ZNF503: variants seen among roughly 807,000 people sequenced by gnomAD.
The protein encoded by ZNF503 is NocA-like zinc finger 2.
In ZNF503, 15 loss-of-function variants were observed where a neutral mutation model predicts 34.4. The observed-to-expected ratio is 0.44, with a 90% CI of 0.29 to 0.67. The LOEUF (loss-of-function observed/expected upper bound fraction) is 0.67. Among genes scored for constraint, ZNF503 ranks in the 30% least tolerant of loss-of-function variants. The pLI is 0.13. For missense variants in ZNF503, 1,007 were observed against 926.8 expected (o/e 1.09, Z -1.12); for synonymous variants, 580 against 456.8 (o/e 1.27, Z -3.44).
chr10:75,358,838 TC>T, the ZNF503 span: 1 of 152,364 alleles, frequency 6.6e-6, no homozygotes, highest in African/African-American at 2.4e-5. Context: ...TAACATGCTA[TC>T]CTGCCTGCCC....
At position 75,399,223 on chromosome 10, in the gene ZNF503, G is replaced by C; in HGVS notation, c.1467C>G (p.Gly489=). 1 of 1,590,570 alleles carries C rather than the reference G, an allele frequency of 6.3e-7. No homozygotes were observed. Among genetic ancestry groups the C allele is most frequent in the Non-Finnish European group, 8.6e-7 (1 of 1,167,566 alleles). ...GGCCGGCCAGGGAGGGCGGTGTGGC[G>C]CCAGCAGCCGCGGCGGCCGTTAGCG... ...HSSLTAAAAA[G]ATPPSLAGHP... The change falls in exon 2 of 2, where the codon GGC becomes GGG. Residue 489 remains glycine, a synonymous_variant. Transcript: ENST00000372524.
the ZNF503 span, among the ~76,000 whole-genome samples, chr10:75,363,126 A>T: frequency 4.6e-5 from 7 of 152,006 alleles, no homozygotes; most frequent in East Asian, 1.4e-3. Context: ...CCTCTTAAGG[A>T]ATTGCTTTGC....
the ZNF503 span, among the ~76,000 whole-genome samples, chr10:75,374,938 T>C: frequency 1.9e-4 from 29 of 152,114 alleles, no homozygotes; most frequent in Non-Finnish European, 4.1e-4. Context: ...AGGCAGTACC[T>C]AGGATCTCTC....
the ZNF503 span, among the ~76,000 whole-genome samples, chr10:75,284,636 C>CTAA: frequency 6.6e-6 from 1 of 152,096 alleles, no homozygotes; most frequent in African/African-American, 2.4e-5. Context: ...GTGTGTAAGG[C>CTAA]TAATACCAGA....
At chr10:75,385,377 T>C in the ZNF503 span, among the ~76,000 whole-genome samples, 1 of 152,368 alleles carries the variant, frequency 6.6e-6, no homozygotes, top group Non-Finnish European at 1.5e-5. Flanking sequence ...ACTTTTATTT[T>C]ATTCACAAAT....
downstream of ZNF503, among the ~76,000 whole-genome samples, chr10:75,397,061 A>T (rs1377025276): frequency 6.6e-6 from 1 of 152,138 alleles, no homozygotes. Context: ...GCGGGGCCGC[A>T]CTTGGAGGGG....
the ZNF503 span, among the ~76,000 whole-genome samples, chr10:75,325,535 A>G: frequency 6.6e-6 from 1 of 152,294 alleles, no homozygotes; most frequent in South Asian, 2.1e-4. Context: ...AAGTCTTGAA[A>G]TTGGGTGGTT....
chr10:75,386,624 G>T, the ZNF503 span, among the ~76,000 whole-genome samples: 5 of 152,120 alleles, frequency 3.3e-5, no homozygotes, highest in East Asian at 9.6e-4. Flanking sequence ...CTCCACATTG[G>T]TTTCTTTATA....
the ZNF503 span, chr10:75,283,416 T>C: frequency 6.6e-6 from 1 of 151,612 alleles, no homozygotes; most frequent in Admixed American, 6.6e-5. Context: ...CCTGCAAGAG[T>C]GGTGGGGGAA....
At chr10:75,367,458 G>T in the ZNF503 span, among the ~76,000 whole-genome samples, 7 of 152,202 alleles carry the variant, frequency 4.6e-5, 1 homozygote, top group Admixed American at 6.5e-5. Context: ...GGCTGCTGCA[G>T]CCCTGGTCTG....
chr10:75,380,757 C>G, the ZNF503 span, among the ~76,000 whole-genome samples: 1 of 152,036 alleles, frequency 6.6e-6, no homozygotes, highest in African/African-American at 2.4e-5. Context: ...CCTAAAATAC[C>G]AAGAGACAAA....
rs746981230 is a variant in ZNF503, at chr10:75,399,419, G to C, written c.1271C>G (p.Ala424Gly). 5.6e-6 allele frequency: 9 copies of C among 1,603,268 alleles called. No homozygotes were observed. Among genetic ancestry groups the C allele is most frequent in the Middle Eastern group, 1.8e-4 (1 of 5,566 alleles). ...GCAGTAAGGGTCCCGGCACAAACTGGCTGTCATCACGGACGGCGGAGACGC... is the reference window on the plus strand; with the variant it reads ...GCAGTAAGGGTCCCGGCACAAACTGCCTGTCATCACGGACGGCGGAGACGC... ...AGASPPSVMT[A>G]SLCRDPYCLS... Residue 424 changes from alanine to glycine, a missense_variant, in exon 2 of 2, where the codon GCC becomes GGC. Ala to Gly is a moderately conservative substitution (Grantham distance 60, BLOSUM62 0). Transcript: ENST00000372524.
At chr10:75,369,936 G>A in the ZNF503 span, among the ~76,000 whole-genome samples, 2 of 152,094 alleles carry the variant, frequency 1.3e-5, no homozygotes, top group Non-Finnish European at 2.9e-5. Flanking sequence ...GCGTGGTGGT[G>A]TGTGCCTGTA....
At chr10:75,310,371 C>T in the ZNF503 span, among the ~76,000 whole-genome samples, 1 of 152,080 alleles carries the variant, frequency 6.6e-6, no homozygotes, top group African/African-American at 2.4e-5. Flanking sequence ...TCAGAATTGC[C>T]AAAGAGCGTA....
chr10:75,365,179 C>T, the ZNF503 span, among the ~76,000 whole-genome samples: 1 of 152,196 alleles, frequency 6.6e-6, no homozygotes, highest in Non-Finnish European at 1.5e-5. Flanking sequence ...GACGGAGTCT[C>T]GCTCTGTCGT....
the ZNF503 span, among the ~76,000 whole-genome samples, chr10:75,314,365 C>G: frequency 6.6e-6 from 1 of 150,458 alleles, no homozygotes; most frequent in Admixed American, 6.6e-5. Context: ...ATAAAATAAA[C>G]CAAACAGAAA....
the ZNF503 span, among the ~76,000 whole-genome samples, chr10:75,304,794 A>G: frequency 2.0e-5 from 3 of 152,226 alleles, no homozygotes; most frequent in Non-Finnish European, 4.4e-5. Context: ...AAAATCACAA[A>G]TATCCAGAAG....
the ZNF503 span, among the ~76,000 whole-genome samples, chr10:75,381,805 C>CTTTTTTTGTTTTTTTT: frequency 2.6e-5 from 1 of 38,652 alleles, no homozygotes. Flanking sequence ...GAACCTAATT[C>CTTTTTTTGTTTTTTTT]TTTTTTTTTT....
the ZNF503 span, among the ~76,000 whole-genome samples, chr10:75,387,916 G>A: frequency 6.6e-6 from 1 of 152,206 alleles, no homozygotes; most frequent in Non-Finnish European, 1.5e-5. Context: ...CAGATGGGCT[G>A]CCAGAATCAT....
Sources: allele counts gnomAD v4.1 joint callset (sites outside exome capture counted in the v4.1 genomes callset), GRCh38; gene constraint gnomAD v4.1.1; transcripts MANE v1.5; gene names NCBI Gene and HGNC (gene_info 2026-07-23, HGNC 2026-07-21).